The following DOCK5 variants were observed in gnomAD, a reference collection of about 807,000 sequenced individuals.
The protein encoded by DOCK5 is dedicator of cytokinesis 5.
DOCK5 carries 142 observed loss-of-function variants against 251.8 expected under a neutral mutation model. That is an observed-to-expected ratio of 0.56 (90% CI 0.49 to 0.65). The LOEUF is 0.65. Among genes scored for constraint, DOCK5 ranks in the 30% least tolerant of loss-of-function variants. The probability of loss-of-function intolerance (pLI) is 0.00; values close to 1 mark genes in which losing one functional copy is unlikely to be tolerated. For synonymous variants in DOCK5, 842 were observed against 835.5 expected (o/e 1.01, Z -0.13); for missense variants, 2,111 against 2,312.3 (o/e 0.91, Z 1.79).
At chr8:25,382,583 C>A in intron 39 of DOCK5, 91 bp from the exon 40 acceptor site, 1 of 998,212 alleles carries the variant, frequency 1.0e-6, no homozygotes, top group Non-Finnish European at 1.5e-6. Flanking sequence ...CTCTGGGTTA[C>A]GTGGGAAACA....
intron 7 of DOCK5, among the ~76,000 whole-genome samples, chr8:25,298,071 A>C (rs1031780682): frequency 1.8e-4 from 27 of 151,972 alleles, no homozygotes; most frequent in Non-Finnish European, 3.1e-4. Context: ...AAAAAAAAAA[A>C]AAAAAAACTT....
At chr8:25,229,372 C>G (rs536762978) in intron 1 of DOCK5, among the ~76,000 whole-genome samples, 1 of 152,130 alleles carries the variant, frequency 6.6e-6, no homozygotes, top group Admixed American at 6.5e-5. Context: ...ATCCCAGATA[C>G]TCTGGAGGTG....
chr8:25,292,161 T>C lies in DOCK5; in HGVS notation c.459T>C (p.Asp153=). Residue 153 remains aspartate, a synonymous_variant, in exon 6 of 52, where the codon GAT becomes GAC. Transcript: ENST00000276440. ...AGAAGAAAGTCACAGCCAAAATTGA[T>C]CATGGGAACAGGTAGGTAAACCAGG... ...ELKKKVTAKI[D]HGNRMLGLDL... is the part of the protein sequence containing the mutation. 6.3e-7 allele frequency: 1 copy of C among 1,577,352 alleles called. No homozygotes were observed. The highest frequency in any genetic ancestry group is 1.2e-5 in the South Asian group (1 of 85,490).
chr8:25,214,469 T>G (rs181484458), intron 1 of DOCK5, among the ~76,000 whole-genome samples: 1 of 152,162 alleles, frequency 6.6e-6, no homozygotes, highest in African/African-American at 2.4e-5. Context: ...TCACAGCAAA[T>G]ATGGGTTGTG....
intron 1 of DOCK5, among the ~76,000 whole-genome samples, chr8:25,210,041 T>TAA (rs1563309172): frequency 5.8e-5 from 1 of 17,328 alleles, no homozygotes; most frequent in African/African-American, 2.8e-4. Flanking sequence ...TATAAATGTG[T>TAA]GTGTGTGTGT....
chr8:25,191,921 C>T (rs187468665), intron 1 of DOCK5, among the ~76,000 whole-genome samples: 2 of 107,534 alleles, frequency 1.9e-5, no homozygotes, highest in African/African-American at 7.4e-5. Context: ...TCCCCCCTCC[C>T]CCCACCCCAC....
chr8:25,375,558 C>T (rs1044211209), intron 37 of DOCK5: 8 of 404,142 alleles, frequency 2.0e-5, no homozygotes, highest in African/African-American at 1.5e-4. Flanking sequence ...TTCTTTATCT[C>T]CCTGACTACC....
chr8:25,332,339 G>A lies in DOCK5; in HGVS notation c.1992G>A (p.Glu664=). The A allele has an allele frequency of 6.2e-7, 1 of 1,612,494 alleles. No individual in the cohort carries two copies. Among genetic ancestry groups the A allele is most frequent in the Non-Finnish European group, 8.5e-7 (1 of 1,178,802 alleles). ...AGTTAATGGAAGTGGATGGAGGAGA[G>A]ATTGTTAAGGTATGTTTATATATTC... ...LKKLMEVDGG[E]IVKFLQDTLD... Residue 664 remains glutamate (E), a synonymous_variant, in exon 19 of 52, where the codon GAG becomes GAA. Transcript: ENST00000276440.
Position 25,232,335 on chromosome 8 carries a change from G to T in DOCK5, c.44-11339G>T, listed in dbSNP as rs374157892. On this transcript the variant is annotated intron_variant, in intron 1 of 51. Coordinates refer to ENST00000276440, the MANE Select transcript of DOCK5 (RefSeq NM_024940.8). ...GCAGAACAAGGCTGAGCTAGGAAAC[G>T]TATTCAAGGTTTGCATTTAAGCTTT... Among the ~76,000 whole-genome samples, 554 of 152,198 alleles carry T rather than the reference G, an allele frequency of 3.6e-3. 1 individual carries two copies. The highest frequency in any genetic ancestry group is 0.013 in the African/African-American group (531 of 41,482).
At chr8:25,407,911 G>T (rs1182763725) in intron 48 of DOCK5, 72 bp from the exon 49 acceptor site, 2 of 1,416,364 alleles carry the variant, frequency 1.4e-6, no homozygotes, top group Non-Finnish European at 1.9e-6. Flanking sequence ...ATAACTGCTG[G>T]TACTTTCATA....
chr8:25,276,580 G>T (rs760736049), intron 4 of DOCK5, among the ~76,000 whole-genome samples: 11 of 152,138 alleles, frequency 7.2e-5, no homozygotes, highest in Non-Finnish European at 1.5e-4. Context: ...AGAGTGGACA[G>T]CTGGGTCACA....
At chr8:25,364,823 G>GT (rs1563217287) in intron 30 of DOCK5, 119 bp downstream of exon 30, 1 of 734,708 alleles carries the variant, frequency 1.4e-6, no homozygotes, top group Non-Finnish European at 2.2e-6. Flanking sequence ...GTTTTCCTGT[G>GT]TTTTTTCATT....
chr8:25,261,431 G>A (rs1024529297), intron 2 of DOCK5, among the ~76,000 whole-genome samples: 4 of 152,114 alleles, frequency 2.6e-5, no homozygotes, highest in Non-Finnish European at 4.4e-5. Flanking sequence ...AAAATACCAC[G>A]TAAAGTAATG....
intron 46 of DOCK5, among the ~76,000 whole-genome samples, chr8:25,400,678 C>T (rs540371251): frequency 4.6e-5 from 7 of 152,084 alleles, no homozygotes; most frequent in South Asian, 4.2e-4. Context: ...CCCAGGACTC[C>T]GTTAGATTTG....
rs139877574 is a variant in DOCK5, at chr8:25,315,306, A to G, written c.1319-1701A>G. On this transcript the variant is annotated intron_variant, in intron 13 of 51. Coordinates refer to ENST00000276440, the MANE Select transcript of DOCK5 (RefSeq NM_024940.8). ...TGACTGTGCTAACAGCTGAAAGGAA[A>G]GATTCCCATACCCTGCAGACGAGGT... is the stretch of plus-strand genomic sequence containing the variant. Among the ~76,000 whole-genome samples the G allele has an allele frequency of 1.5e-3, 228 of 151,742 alleles. 1 individual carries two copies. The highest frequency in any genetic ancestry group is 5.3e-3 in the African/African-American group (219 of 41,404).
intron 1 of DOCK5, among the ~76,000 whole-genome samples, chr8:25,189,560 C>T (rs959072919): frequency 6.6e-6 from 1 of 152,102 alleles, no homozygotes; most frequent in African/African-American, 2.4e-5. Context: ...GGAGTTTCAC[C>T]ATGTTGCCCA....
At chr8:25,389,267 C>A (rs373398734) in intron 41 of DOCK5, 35 bp downstream of exon 41, 1 of 1,604,870 alleles carries the variant, frequency 6.2e-7, no homozygotes, top group South Asian at 1.1e-5. Flanking sequence ...CCCCGAGGCT[C>A]TTATGGCTGT....
chr8:25,343,165 A>AT (rs35190943), intron 25 of DOCK5, among the ~76,000 whole-genome samples: 4,486 of 141,598 alleles, frequency 0.032, 231 homozygotes, highest in African/African-American at 0.1. Context: ...CACCCAGCTA[A>AT]TTTTTTTTTT....
rs766465346 is a variant in DOCK5 at position 25,395,673 on chromosome 8, G to C, written c.4658G>C (p.Gly1553Ala). 1 of 1,613,712 alleles carries C rather than the reference G, an allele frequency of 6.2e-7. No individual in the cohort carries two copies. Among genetic ancestry groups the C allele is most frequent in the Non-Finnish European group, 8.5e-7 (1 of 1,179,828 alleles). ...SVHPLSMLLS[G>A]IVDPAVMGGF... ...CACCCTCTCTCCATGCTGCTCAGTG[G>C]CATCGTGGACCCGGCCGTCATGGGG... Residue 1553 changes from glycine to alanine, a missense_variant, in exon 45 of 52, where the codon GGC becomes GCC. Coordinates refer to ENST00000276440, the MANE Select transcript of DOCK5 (RefSeq NM_024940.8).
Sources: gnomAD v4.1 joint callset for allele counts (sites outside exome capture counted in the v4.1 genomes callset) on GRCh38, gnomAD v4.1.1 for gene constraint, MANE v1.5 for transcripts, NCBI Gene and HGNC (gene_info 2026-07-23, HGNC 2026-07-21) for gene names.